Variants in DENND1A observed in about 807,000 individuals in gnomAD.
The protein encoded by DENND1A is DENN domain-containing protein 1A.
In DENND1A, 51 loss-of-function variants were observed where a neutral mutation model predicts 113.7. The ratio of observed to expected loss-of-function variants is 0.45; its 90% CI spans 0.36 to 0.57. The LOEUF (loss-of-function observed/expected upper bound fraction) is 0.57, where lower values mean the gene tolerates loss of function less well. Ranked by LOEUF, DENND1A falls within the 20% of genes least tolerant of loss-of-function variation. DENND1A has a pLI of 0.00. For missense variants in DENND1A, 1,258 were observed against 1,395.9 expected (o/e 0.90, Z 1.57); for synonymous variants, 565 against 570.8 (o/e 0.99, Z 0.14).
intron 5 of DENND1A, among the ~76,000 whole-genome samples, chr9:123,681,504 C>CT (rs1238648357): frequency 6.6e-6 from 1 of 151,994 alleles, no homozygotes; most frequent in African/African-American, 2.4e-5. Context: ...CAGAGGGCCA[C>CT]TGGTTACAAA....
At chr9:123,415,932 T>C (rs750585926) in intron 19 of DENND1A, among the ~76,000 whole-genome samples, 2 of 151,880 alleles carry the variant, frequency 1.3e-5, no homozygotes, top group South Asian at 2.1e-4. Flanking sequence ...CTGGAGACCA[T>C]TAAACACTGT....
intron 1 of DENND1A, among the ~76,000 whole-genome samples, chr9:123,914,910 G>A (rs1433578859): frequency 6.6e-6 from 1 of 152,020 alleles, no homozygotes. Context: ...CATGGGATTT[G>A]GAGGCGACAA....
chr9:123,800,072 T>TA (rs1834386267), intron 2 of DENND1A, among the ~76,000 whole-genome samples: 2 of 152,372 alleles, frequency 1.3e-5, no homozygotes, highest in South Asian at 4.1e-4. Flanking sequence ...AGAAACACTA[T>TA]AACTTTATCA....
rs184594279 is a variant in DENND1A, at chr9:123,829,243, A to G, written c.89-36613T>C. On this transcript the variant is annotated intron_variant, in intron 2 of 23. Coordinates refer to ENST00000394215, the MANE Select transcript of DENND1A (RefSeq NM_001352964.2). ...TAATGTCCCTAGAGACAATGAAGGC[A>G]TGATAGACAAACATCAACACAAAAT... 1.7e-4 allele frequency among the ~76,000 whole-genome samples: 26 copies of G among 152,330 alleles called. No homozygotes were observed. In the East Asian group the frequency reaches 5.0e-3, roughly 29 times the overall value.
intron 13 of DENND1A, among the ~76,000 whole-genome samples, chr9:123,535,144 C>CTA (rs2055640099): frequency 6.6e-6 from 1 of 152,228 alleles, no homozygotes; most frequent in Non-Finnish European, 1.5e-5. Context: ...AGACCCTTGA[C>CTA]TATTACCTGA....
intron 8 of DENND1A, among the ~76,000 whole-genome samples, chr9:123,664,179 A>G (rs1298247724): frequency 2.0e-5 from 3 of 152,236 alleles, no homozygotes; most frequent in Non-Finnish European, 4.4e-5. Context: ...GGTACTGTTT[A>G]AGTAATAATT....
intron 5 of DENND1A, among the ~76,000 whole-genome samples, chr9:123,702,343 G>T (rs1011256723): frequency 6.6e-6 from 1 of 152,126 alleles, no homozygotes; most frequent in Admixed American, 6.5e-5. Flanking sequence ...TGAGTTGCTG[G>T]TATTCAAGAA....
At chr9:123,854,624 C>T (rs1006966999) in intron 2 of DENND1A, among the ~76,000 whole-genome samples, 3 of 150,892 alleles carry the variant, frequency 2.0e-5, no homozygotes, top group Non-Finnish European at 3.0e-5. Flanking sequence ...GAACCCAGGA[C>T]GCAGAGGGTG....
chr9:123,533,717 C>T (rs1390435245), intron 13 of DENND1A, among the ~76,000 whole-genome samples: 1 of 152,184 alleles, frequency 6.6e-6, no homozygotes. Flanking sequence ...AAGGAATTTA[C>T]TTGTCCAATA....
chr9:123,648,837 T>C (rs1429956274), intron 9 of DENND1A, among the ~76,000 whole-genome samples: 1 of 152,196 alleles, frequency 6.6e-6, no homozygotes, highest in Admixed American at 6.5e-5. Context: ...GTCTTCCTTT[T>C]TTTTCCTATG....
At chr9:123,472,620 C>T (rs1026410385) in intron 13 of DENND1A, among the ~76,000 whole-genome samples, 1 of 152,166 alleles carries the variant, frequency 6.6e-6, no homozygotes, top group African/African-American at 2.4e-5. Context: ...GCCCAGGAGG[C>T]TTCATTCACT....
intron 5 of DENND1A, among the ~76,000 whole-genome samples, chr9:123,704,076 T>C (rs1386737461): frequency 2.0e-5 from 3 of 152,012 alleles, no homozygotes; most frequent in Non-Finnish European, 4.4e-5. Flanking sequence ...CCAGACTATA[T>C]ATTTTCATGT....
chr9:123,800,840 T>C (rs1274100394), intron 2 of DENND1A, among the ~76,000 whole-genome samples: 1 of 152,154 alleles, frequency 6.6e-6, no homozygotes, highest in African/African-American at 2.4e-5. Flanking sequence ...CCTTATCTCA[T>C]CTATGAAAAA....
Position 123,411,833 on chromosome 9 carries a change from C to T in DENND1A, c.1489-4G>A, listed in dbSNP as rs539525517. The stretch of plus-strand genomic sequence containing the variant: ...GGGTGGGACGCAGTCTCTGCAGCTG[C>T]ATTAAAGTGGAAACTTACAACATCA... On this transcript the variant is annotated splice_polypyrimidine_tract_variant and splice_region_variant and intron_variant, in intron 19 of 23. Transcript: ENST00000394215. 4 of 985,860 alleles carry T rather than the reference C, an allele frequency of 4.1e-6. No individual in the cohort carries two copies. The South Asian group carries it at 1.9e-4, about 46-fold the overall frequency. 61.1% of individuals were successfully genotyped at this position (985,860 alleles called of 1,614,324 possible). A position where few individuals can be genotyped will look rare whatever the true frequency, so the allele number is the denominator to read the frequency against.
At chr9:123,720,374 C>A (rs551016554) in intron 5 of DENND1A, among the ~76,000 whole-genome samples, 1 of 151,892 alleles carries the variant, frequency 6.6e-6, no homozygotes, top group South Asian at 2.1e-4. Flanking sequence ...TGCTGGGGGG[C>A]AAAAGGGGGG....
At chr9:123,891,053 G>C (rs1468000161) in intron 1 of DENND1A, among the ~76,000 whole-genome samples, 1 of 151,956 alleles carries the variant, frequency 6.6e-6, no homozygotes, top group African/African-American at 2.4e-5. Context: ...TAGCACCTAA[G>C]GGCAACTGAA....
At chr9:123,571,819 G>C (rs149004062) in intron 12 of DENND1A, among the ~76,000 whole-genome samples, 2 of 152,328 alleles carry the variant, frequency 1.3e-5, no homozygotes, top group Non-Finnish European at 2.9e-5. Context: ...ATAGCCAGGT[G>C]TGGGATTGTT....
chr9:123,888,242 C>T (rs1849384793), intron 1 of DENND1A, among the ~76,000 whole-genome samples: 2 of 152,168 alleles, frequency 1.3e-5, no homozygotes, highest in Admixed American at 1.3e-4. Flanking sequence ...GACACGGGAG[C>T]AAGCCTGAAA....
intron 9 of DENND1A, among the ~76,000 whole-genome samples, chr9:123,636,005 T>C (rs1025203310): frequency 1.5e-4 from 23 of 152,206 alleles, no homozygotes; most frequent in African/African-American, 5.3e-4. Flanking sequence ...TTGCTATCCT[T>C]TGAAGTGAAG....
Sources: gnomAD v4.1 joint callset for allele counts (sites outside exome capture counted in the v4.1 genomes callset) on GRCh38, gnomAD v4.1.1 for gene constraint, MANE v1.5 for transcripts, NCBI Gene and HGNC (gene_info 2026-07-23, HGNC 2026-07-21) for gene names.